Variants in NCKAP5 observed in about 807,000 individuals in gnomAD.
NCKAP5 encodes NCK associated protein 5, also known as nck-associated protein 5.
A neutral mutation model predicts 167.0 loss-of-function variants in NCKAP5; 92 were observed. The ratio of observed to expected loss-of-function variants is 0.55; its 90% CI spans 0.47 to 0.66. The LOEUF (loss-of-function observed/expected upper bound fraction) is 0.66. Among genes scored for constraint, NCKAP5 ranks in the 30% least tolerant of loss-of-function variants. NCKAP5 has a pLI of 0.00. For missense variants in NCKAP5, 2,378 were observed against 2,315.0 expected (o/e 1.03, Z -0.56); for synonymous variants, 891 against 877.4 (o/e 1.02, Z -0.27).
At chr2:133,103,374 G>A (rs1431549977) in intron 6 of NCKAP5, among the ~76,000 whole-genome samples, 1 of 152,170 alleles carries the variant, frequency 6.6e-6, no homozygotes, top group Non-Finnish European at 1.5e-5. Context: ...TATCAATATG[G>A]TTAAATATTC....
intron 3 of NCKAP5, among the ~76,000 whole-genome samples, chr2:133,343,654 A>T (rs1022907570): frequency 6.6e-6 from 1 of 152,186 alleles, no homozygotes; most frequent in Non-Finnish European, 1.5e-5. Flanking sequence ...ATTGAATGCA[A>T]ACTATGTCCA....
At chr2:133,528,282 C>T (rs925388435) in intron 2 of NCKAP5, among the ~76,000 whole-genome samples, 1 of 151,736 alleles carries the variant, frequency 6.6e-6, no homozygotes, top group Admixed American at 6.6e-5. Flanking sequence ...AGAATTTCCA[C>T]CTAGTTTTGA....
chr2:133,421,000 C>T (rs1374469389), intron 3 of NCKAP5, among the ~76,000 whole-genome samples: 1 of 152,214 alleles, frequency 6.6e-6, no homozygotes, highest in Non-Finnish European at 1.5e-5. Flanking sequence ...AGGATACCAA[C>T]TCTTCTTTCC....
Position 132,725,709 on chromosome 2 carries a change from A to C in NCKAP5, c.5631T>G (p.Ser1877Arg). The change falls in exon 19 of 20, where the codon AGT becomes AGG. Residue 1877 changes from serine to arginine, a missense_variant. Transcript: ENST00000409261. Reference protein sequence around the residue: ...CTYSASGGSNSDSDLDYGDNG... With the variant: ...CTYSASGGSNRDSDLDYGDNG... ...TATCTCCATAGTCCAGGTCACTGTC[A>C]CTATTACTGCCACCGCTGGCAGAGT... 6.2e-7 allele frequency: 1 copy of C among 1,613,590 alleles called. No individual in the cohort carries two copies. The highest frequency in any genetic ancestry group is 8.5e-7 in the Non-Finnish European group (1 of 1,179,792).
At chr2:133,509,877 G>C (rs544275749) in intron 3 of NCKAP5, among the ~76,000 whole-genome samples, 6 of 152,202 alleles carry the variant, frequency 3.9e-5, no homozygotes, top group Non-Finnish European at 5.9e-5. Context: ...AATGTGAAAA[G>C]GCCAGAAGTA....
chr2:133,385,943 CTTT>C (rs1337808696), intron 3 of NCKAP5, among the ~76,000 whole-genome samples: 3 of 151,446 alleles, frequency 2.0e-5, no homozygotes, highest in Non-Finnish European at 2.9e-5. Flanking sequence ...CTCTTTTCTT[CTTT>C]ATTAGTCTTG....
chr2:132,769,596 A>T (rs1681842345), intron 16 of NCKAP5, among the ~76,000 whole-genome samples: 2 of 152,180 alleles, frequency 1.3e-5, no homozygotes, highest in African/African-American at 4.8e-5. Flanking sequence ...ATTCAGTCTT[A>T]AAATGGAGGG....
chr2:132,922,496 C>G (rs1213480975), intron 8 of NCKAP5, among the ~76,000 whole-genome samples: 1 of 152,148 alleles, frequency 6.6e-6, no homozygotes, highest in Non-Finnish European at 1.5e-5. Flanking sequence ...AACCCATTAG[C>G]TTGGCACCCA....
At chr2:133,659,873 A>G in the NCKAP5 span, among the ~76,000 whole-genome samples, 836 of 152,346 alleles carry the variant, frequency 5.5e-3, 8 homozygotes, top group African/African-American at 0.019. Flanking sequence ...CATTGCATAT[A>G]TGTTTTAAAA....
intron 6 of NCKAP5, among the ~76,000 whole-genome samples, chr2:132,994,962 TGTAGAAAAG>T (rs112293671): frequency 0.035 from 5,293 of 152,198 alleles, 294 homozygotes; most frequent in African/African-American, 0.12. Context: ...CATACCTAAA[TGTAGAAAAG>T]GTACAGGAAA....
At chr2:133,413,986 C>T (rs1688944298) in intron 3 of NCKAP5, among the ~76,000 whole-genome samples, 1 of 152,180 alleles carries the variant, frequency 6.6e-6, no homozygotes, top group Admixed American at 6.5e-5. Flanking sequence ...TGAATAAGAA[C>T]ACAAGGACAT....
intron 6 of NCKAP5, among the ~76,000 whole-genome samples, chr2:133,104,513 T>C (rs543238140): frequency 1.3e-5 from 2 of 152,360 alleles, no homozygotes; most frequent in South Asian, 2.1e-4. Context: ...GGAAATGACA[T>C]TGGCATCAGT....
rs1035886924 is a variant in NCKAP5, at chr2:132,765,557, C to A, written c.5128+8259G>T. On this transcript the variant is annotated intron_variant, in intron 16 of 19. Coordinates refer to ENST00000409261, the MANE Select transcript of NCKAP5 (RefSeq NM_207363.3). ...CTCCATCTCTTGACCTTGTGACCTG[C>A]CCGCCTCAGCACAGGCATGAGCCAC... 5.0e-5 allele frequency among the ~76,000 whole-genome samples: 5 copies of A among 100,182 alleles called. No individual in the cohort carries two copies. In the Admixed American group the frequency reaches 5.4e-4, roughly 11 times the overall value. 65.7% of individuals were successfully genotyped at this position (100,182 alleles called of 152,430 possible). A position where few individuals can be genotyped will look rare whatever the true frequency, so the allele number is the denominator to read the frequency against.
chr2:133,401,779 C>G (rs553240033), intron 3 of NCKAP5, among the ~76,000 whole-genome samples: 1 of 152,216 alleles, frequency 6.6e-6, no homozygotes, highest in South Asian at 2.1e-4. Context: ...CCTGGGCTCT[C>G]ATAATAACTT....
chr2:133,489,401 G>T (rs1240605155), intron 3 of NCKAP5, among the ~76,000 whole-genome samples: 2 of 152,108 alleles, frequency 1.3e-5, no homozygotes, highest in Admixed American at 6.6e-5. Context: ...TTTCATAGGG[G>T]ATCTTTCTTA....
chr2:132,851,245 A>G (rs1689053705), intron 11 of NCKAP5, among the ~76,000 whole-genome samples: 1 of 152,146 alleles, frequency 6.6e-6, no homozygotes, highest in South Asian at 2.1e-4. Context: ...GGAGATTTCT[A>G]TTAGGATTTT....
At chr2:133,394,502 G>A (rs902436398) in intron 3 of NCKAP5, among the ~76,000 whole-genome samples, 3 of 152,212 alleles carry the variant, frequency 2.0e-5, no homozygotes, top group East Asian at 1.9e-4. Flanking sequence ...CAGCAAGAAC[G>A]TGGTGCACTG....
intron 4 of NCKAP5, among the ~76,000 whole-genome samples, chr2:133,219,416 T>C (rs773831573): frequency 4.6e-5 from 7 of 152,204 alleles, no homozygotes; most frequent in Non-Finnish European, 1.0e-4. Context: ...AAGACATTTA[T>C]GCAGGAAATG....
chr2:133,659,021 G>C, the NCKAP5 span, among the ~76,000 whole-genome samples: 4 of 152,188 alleles, frequency 2.6e-5, no homozygotes, highest in Admixed American at 6.5e-5. Context: ...AAAGGCATCA[G>C]ATGATGAATA....
Sources: gnomAD v4.1 joint callset for allele counts (sites outside exome capture counted in the v4.1 genomes callset) on GRCh38, gnomAD v4.1.1 for gene constraint, MANE v1.5 for transcripts, NCBI Gene and HGNC (gene_info 2026-07-23, HGNC 2026-07-21) for gene names.